Variants in ST7 observed in about 807,000 individuals in gnomAD.
ST7 encodes the protein suppressor of tumorigenicity 7 protein.
ST7 carries 28 observed loss-of-function variants against 78.7 expected under a neutral mutation model. The observed-to-expected ratio is 0.36, with a 90% CI of 0.26 to 0.49. The LOEUF (loss-of-function observed/expected upper bound fraction) is 0.49. Among genes scored for constraint, ST7 ranks in the 20% least tolerant of loss-of-function variants. ST7 has a pLI of 0.99. For synonymous variants in ST7, 247 were observed against 249.6 expected (o/e 0.99, Z 0.10); for missense variants, 418 against 696.0 (o/e 0.60, Z 4.49).
intron 1 of ST7, among the ~76,000 whole-genome samples, chr7:117,051,126 A>G (rs1437070818): frequency 6.6e-6 from 1 of 152,252 alleles, no homozygotes; most frequent in East Asian, 1.9e-4. Flanking sequence ...AATGAAACAA[A>G]GTATTCTTCC....
intron 2 of ST7, among the ~76,000 whole-genome samples, chr7:117,109,960 G>C (rs1372742948): frequency 6.6e-6 from 1 of 152,120 alleles, no homozygotes; most frequent in Admixed American, 6.5e-5. Context: ...CATTTCAATA[G>C]ATGCAGAAAA....
chr7:116,979,998 G>T (rs10272848), intron 1 of ST7, among the ~76,000 whole-genome samples: 3 of 105,858 alleles, frequency 2.8e-5, no homozygotes, highest in African/African-American at 1.1e-4. Context: ...TCACTCTGTC[G>T]CATGGGCTGG....
intron 1 of ST7, among the ~76,000 whole-genome samples, chr7:116,984,331 T>C (rs1794097620): frequency 6.6e-6 from 1 of 152,202 alleles, no homozygotes; most frequent in Admixed American, 6.5e-5. Context: ...TATTCTATTA[T>C]GAGCAACAGA....
chr7:117,019,172 C>CTTGAACTA (rs1247403764), intron 1 of ST7, among the ~76,000 whole-genome samples: 3 of 152,230 alleles, frequency 2.0e-5, no homozygotes, highest in Non-Finnish European at 4.4e-5. Context: ...GGAGAGGAGA[C>CTTGAACTA]TTGAACTATT....
At chr7:117,160,960 A>G (rs1483876201) in intron 9 of ST7, among the ~76,000 whole-genome samples, 6 of 152,118 alleles carry the variant, frequency 3.9e-5, no homozygotes, top group African/African-American at 1.4e-4. Context: ...AAGAAGTGGG[A>G]CTCCAGCTGT....
At chr7:117,151,409 G>A (rs1341394760) in intron 9 of ST7, among the ~76,000 whole-genome samples, 1 of 152,146 alleles carries the variant, frequency 6.6e-6, no homozygotes, top group Non-Finnish European at 1.5e-5. Context: ...CACAGGAATA[G>A]ACTGATCCAG....
intron 13 of ST7, among the ~76,000 whole-genome samples, chr7:117,217,643 G>C (rs993870248): frequency 3.3e-5 from 5 of 152,160 alleles, no homozygotes; most frequent in African/African-American, 1.2e-4. Context: ...TGCAAGAAAA[G>C]GTCTGATTGA....
intron 1 of ST7, among the ~76,000 whole-genome samples, chr7:117,067,534 A>T (rs1234833471): frequency 6.6e-6 from 1 of 152,124 alleles, no homozygotes; most frequent in African/African-American, 2.4e-5. Context: ...CTGAGAAGAT[A>T]AAATGACCTA....
At chr7:117,196,740 G>T (rs1212854028) in intron 12 of ST7, among the ~76,000 whole-genome samples, 8 of 141,232 alleles carry the variant, frequency 5.7e-5, no homozygotes, top group Non-Finnish European at 9.0e-5. Context: ...TATTCCACAG[G>T]TTACCTTTTC....
At chr7:117,213,551 C>G (rs944512462) in intron 13 of ST7, among the ~76,000 whole-genome samples, 5 of 151,512 alleles carry the variant, frequency 3.3e-5, no homozygotes, top group Non-Finnish European at 7.4e-5. Flanking sequence ...ACCAATCAAG[C>G]TGAAAAAAAA....
chr7:117,098,858 G>A (rs921053580), intron 1 of ST7: 39 of 1,289,202 alleles, frequency 3.0e-5, no homozygotes, highest in Admixed American at 4.7e-5. Flanking sequence ...GTTTTGTGTA[G>A]TATCTAGATA....
chr7:117,159,227 T>A (rs1185269680), intron 9 of ST7, among the ~76,000 whole-genome samples: 1 of 152,210 alleles, frequency 6.6e-6, no homozygotes, highest in African/African-American at 2.4e-5. Context: ...ACTCTGCCTT[T>A]TTTTCCCATT....
chr7:117,011,581 A>T (rs1584445184), intron 1 of ST7, among the ~76,000 whole-genome samples: 1 of 152,208 alleles, frequency 6.6e-6, no homozygotes, highest in Non-Finnish European at 1.5e-5. Context: ...GCTAGACTCC[A>T]GGTCTCTTGA....
chr7:117,158,286 A>T (rs1806861096), intron 9 of ST7, among the ~76,000 whole-genome samples: 1 of 152,186 alleles, frequency 6.6e-6, no homozygotes, highest in African/African-American at 2.4e-5. Context: ...TACACTGAAA[A>T]CATTTTTGTT....
intron 1 of ST7, among the ~76,000 whole-genome samples, chr7:116,992,017 A>C (rs944464821): frequency 3.3e-5 from 5 of 152,188 alleles, no homozygotes; most frequent in African/African-American, 1.2e-4. Context: ...CACTGATGCA[A>C]GAGGTGGGTT....
At chr7:117,227,459 C>T (rs1793521872) in intron 15 of ST7, among the ~76,000 whole-genome samples, 1 of 152,210 alleles carries the variant, frequency 6.6e-6, no homozygotes, top group African/African-American at 2.4e-5. Flanking sequence ...AACACTTTAA[C>T]TCCTCTTTAT....
At chr7:117,131,290 A>G (rs1294140654) in intron 5 of ST7, among the ~76,000 whole-genome samples, 1 of 151,932 alleles carries the variant, frequency 6.6e-6, no homozygotes, top group Non-Finnish European at 1.5e-5. Flanking sequence ...ACTCTTTGCT[A>G]TGGTAGAAAC....
At chr7:117,196,288 G>C (rs1289879480) in intron 12 of ST7, among the ~76,000 whole-genome samples, 1 of 152,180 alleles carries the variant, frequency 6.6e-6, no homozygotes, top group Non-Finnish European at 1.5e-5. Flanking sequence ...ATACCCAGAA[G>C]GGGGAATGAC....
At chr7:116,982,334 C>T (rs1056009081) in intron 1 of ST7, among the ~76,000 whole-genome samples, 8 of 152,110 alleles carry the variant, frequency 5.3e-5, no homozygotes, top group Non-Finnish European at 1.2e-4. Flanking sequence ...AAGTGATTCT[C>T]CTGCCTCAGC....
Sources: allele counts gnomAD v4.1 joint callset (sites outside exome capture counted in the v4.1 genomes callset), GRCh38; gene constraint gnomAD v4.1.1; transcripts MANE v1.5; gene names NCBI Gene and HGNC (gene_info 2026-07-23, HGNC 2026-07-21).